DIAPH3: variants seen among roughly 807,000 people sequenced by gnomAD.
The protein encoded by DIAPH3 is diaphanous related formin 3.
DIAPH3 carries 117 observed loss-of-function variants against 144.3 expected under a neutral mutation model. The observed-to-expected ratio is 0.81, with a 90% CI of 0.70 to 0.95. The LOEUF is 0.95. DIAPH3 is among the 40% of genes least tolerant of loss of function. DIAPH3 has a pLI of 0.00. For missense variants in DIAPH3, 1,421 were observed against 1,412.7 expected, an observed-to-expected ratio of 1.01 and a Z score of -0.09; for synonymous variants, 519 against 488.9, an observed-to-expected ratio of 1.06 and a Z score of -0.81.
chr13:59,910,952 A>G (rs1001385623), intron 20 of DIAPH3, among the ~76,000 whole-genome samples: 6 of 151,906 alleles, frequency 3.9e-5, no homozygotes, highest in African/African-American at 1.2e-4. Context: ...TATTAAGTAA[A>G]TCAACCTGAA....
intron 1 of DIAPH3, among the ~76,000 whole-genome samples, chr13:60,136,285 T>C (rs1306679434): frequency 1.3e-5 from 2 of 152,166 alleles, no homozygotes; most frequent in East Asian, 1.9e-4. Context: ...CCACCAGCAA[T>C]GCTCTTTACT....
At chr13:60,095,772 T>C (rs1463828324) in intron 3 of DIAPH3, among the ~76,000 whole-genome samples, 1 of 152,184 alleles carries the variant, frequency 6.6e-6, no homozygotes, top group Non-Finnish European at 1.5e-5. Flanking sequence ...TAGTTTTACT[T>C]TACTGAATTT....
chr13:59,760,593 C>A (rs1420879450), intron 27 of DIAPH3, among the ~76,000 whole-genome samples: 1 of 152,104 alleles, frequency 6.6e-6, no homozygotes, highest in Admixed American at 6.5e-5. Context: ...ATGTGGACTT[C>A]GTTGTTATTT....
At chr13:59,731,029 A>T (rs181455862) in intron 27 of DIAPH3, among the ~76,000 whole-genome samples, 7 of 152,208 alleles carry the variant, frequency 4.6e-5, no homozygotes, top group African/African-American at 1.7e-4. Flanking sequence ...TCTTCTAAAA[A>T]GCTCAGATCT....
At chr13:60,155,600 G>T (rs1218574576) in intron 1 of DIAPH3, among the ~76,000 whole-genome samples, 1 of 152,194 alleles carries the variant, frequency 6.6e-6, no homozygotes, top group Non-Finnish European at 1.5e-5. Context: ...CCTGGTGTGT[G>T]TTAGGTAGAA....
intron 2 of DIAPH3, 23 bp downstream of exon 2, chr13:60,132,934 G>A (rs2138236763): frequency 6.3e-7 from 1 of 1,598,706 alleles, no homozygotes; most frequent in Non-Finnish European, 8.6e-7. Context: ...TCATAACAAA[G>A]GAAAAGTTGA....
intron 20 of DIAPH3, among the ~76,000 whole-genome samples, chr13:59,910,165 C>A (rs2046920436): frequency 1.6e-5 from 2 of 123,194 alleles, no homozygotes; most frequent in Non-Finnish European, 1.8e-5. Context: ...ATTCAAGTGT[C>A]AAAACATAGG....
At chr13:59,967,966 C>A (rs1375549689) in intron 17 of DIAPH3, among the ~76,000 whole-genome samples, 1 of 152,154 alleles carries the variant, frequency 6.6e-6, no homozygotes, top group Non-Finnish European at 1.5e-5. Flanking sequence ...TAGTCCTCTG[C>A]CAGCCTCTAA....
At chr13:59,776,643 G>T (rs2038428600) in intron 25 of DIAPH3, among the ~76,000 whole-genome samples, 1 of 151,884 alleles carries the variant, frequency 6.6e-6, no homozygotes, top group South Asian at 2.1e-4. Flanking sequence ...GGGGAAAAAA[G>T]AATCCAAGTA....
At chr13:59,884,510 T>C (rs546664279) in intron 20 of DIAPH3, among the ~76,000 whole-genome samples, 3 of 152,254 alleles carry the variant, frequency 2.0e-5, no homozygotes, top group Non-Finnish European at 4.4e-5. Context: ...TACTCTCCTA[T>C]TAGCTAATTC....
rs550729105 is a variant in DIAPH3 at position 59,740,204 on chromosome 13, T to C, written c.3319+33985A>G. Among the ~76,000 whole-genome samples the C allele has an allele frequency of 7.9e-5, 12 of 152,346 alleles. No homozygotes were observed. The South Asian group carries it at 1.0e-3, about 13-fold the overall frequency. On this transcript the variant is annotated intron_variant, in intron 27 of 27. Transcript: ENST00000400324. ...ACTATTCTTTGTTTCCTTAAAAATA[T>C]ACCCCATGTAAGAACCATTACGGAA...
chr13:59,754,421 C>G (rs1428890109), intron 27 of DIAPH3, among the ~76,000 whole-genome samples: 3 of 152,076 alleles, frequency 2.0e-5, no homozygotes, highest in Non-Finnish European at 2.9e-5. Flanking sequence ...TTTTTGGCAT[C>G]TTATCTTTCT....
intron 22 of DIAPH3, chr13:59,861,116 G>C (rs1379114150): frequency 3.4e-6 from 3 of 895,020 alleles, no homozygotes; most frequent in Non-Finnish European, 4.8e-6. Flanking sequence ...TGGCCAAAAA[G>C]TGCAGGAGAT....
chr13:60,079,597 T>C (rs1451875866), intron 4 of DIAPH3, among the ~76,000 whole-genome samples: 1 of 151,924 alleles, frequency 6.6e-6, no homozygotes, highest in Non-Finnish European at 1.5e-5. Flanking sequence ...TATAAATTAT[T>C]GGTCTACTCA....
intron 4 of DIAPH3, among the ~76,000 whole-genome samples, chr13:60,049,938 C>T (rs901770509): frequency 5.3e-5 from 8 of 152,196 alleles, no homozygotes; most frequent in Non-Finnish European, 8.8e-5. Context: ...GCCTGTAATT[C>T]CGGCAACTTG....
intron 5 of DIAPH3, among the ~76,000 whole-genome samples, chr13:60,028,035 T>TA (rs1279479364): frequency 3.9e-5 from 6 of 152,156 alleles, no homozygotes; most frequent in African/African-American, 1.4e-4. Context: ...AATGCACTCA[T>TA]AATGCTCCCC....
At chr13:59,760,487 G>C (rs886315961) in intron 27 of DIAPH3, among the ~76,000 whole-genome samples, 4 of 152,118 alleles carry the variant, frequency 2.6e-5, no homozygotes, top group Non-Finnish European at 5.9e-5. Flanking sequence ...TTACTGGCTT[G>C]TCAGAGCTAA....
At chr13:59,920,917 C>G (rs532964790) in intron 18 of DIAPH3, among the ~76,000 whole-genome samples, 37 of 151,724 alleles carry the variant, frequency 2.4e-4, no homozygotes, top group African/African-American at 8.0e-4. Flanking sequence ...TGGAATAAAA[C>G]TAGAAATCAG....
At chr13:60,025,082 G>C (rs546206748) in intron 5 of DIAPH3, among the ~76,000 whole-genome samples, 1 of 152,132 alleles carries the variant, frequency 6.6e-6, no homozygotes, top group Non-Finnish European at 1.5e-5. Flanking sequence ...CTTTTTGATA[G>C]TGTGGTGGGG....
Sources: allele counts gnomAD v4.1 joint callset (sites outside exome capture counted in the v4.1 genomes callset), GRCh38; gene constraint gnomAD v4.1.1; transcripts MANE v1.5; gene names NCBI Gene and HGNC (gene_info 2026-07-23, HGNC 2026-07-21).